SYT16: variants seen among roughly 807,000 people sequenced by gnomAD.
SYT16 encodes synaptotagmin 16, also known as synaptotagmin-16.
SYT16 carries 42 observed loss-of-function variants against 61.4 expected under a neutral mutation model. The ratio of observed to expected loss-of-function variants is 0.68; its 90% confidence interval spans 0.53 to 0.89. The LOEUF is 0.89. Among genes scored for constraint, SYT16 ranks in the 40% least tolerant of loss-of-function variants. The probability of loss-of-function intolerance (pLI) is 0.00; values close to 1 mark genes in which losing one functional copy is unlikely to be tolerated. For missense variants in SYT16, 804 were observed against 807.3 expected, an observed-to-expected ratio of 1.00 and a Z score of 0.05; for synonymous variants, 314 against 302.3, an observed-to-expected ratio of 1.04 and a Z score of -0.40.
At chr14:62,070,530 G>C (rs1006141893) in intron 4 of SYT16, among the ~76,000 whole-genome samples, 1 of 152,104 alleles carries the variant, frequency 6.6e-6, no homozygotes, top group African/African-American at 2.4e-5. Flanking sequence ...TGGGATGTTG[G>C]GCAGACCTTG....
Position 62,045,435 on chromosome 14 carries a change from T to C in SYT16, c.524-24168T>C, listed in dbSNP as rs144775180. 1.8e-3 allele frequency among the ~76,000 whole-genome samples: 269 copies of C among 152,192 alleles called. 1 individual carries two copies. Among genetic ancestry groups the C allele is most frequent in the African/African-American group, 6.3e-3 (261 of 41,548 alleles). On this transcript the variant is annotated intron_variant, in intron 3 of 7. Transcript: ENST00000683842. ...GTAATGGTTGTTGGTCTGTATGTTT[T>C]GTATTTTTCTTTTTTAAAATTTTAT...
rs367990010 is a variant in SYT16, at chr14:62,075,395, A to G, written c.993+4A>G. The G allele has an allele frequency of 2.5e-6, 4 of 1,590,576 alleles. No homozygotes were observed. Among genetic ancestry groups the G allele is most frequent in the African/African-American group, 1.3e-5 (1 of 74,438 alleles). On this transcript the variant is annotated splice_donor_region_variant and intron_variant, in intron 5 of 7. Coordinates refer to ENST00000683842, the MANE Select transcript of SYT16 (RefSeq NM_001367656.1). The stretch of plus-strand genomic sequence containing the variant: ...CTCCTCCATGTGGAGTCCAGAGGCA[A>G]GTTATTTGTTTTTCATTCTTTCATT...
intron 1 of SYT16, among the ~76,000 whole-genome samples, chr14:61,836,113 A>G (rs1047892192): frequency 6.6e-6 from 1 of 152,176 alleles, no homozygotes; most frequent in African/African-American, 2.4e-5. Flanking sequence ...GGTACTTGCT[A>G]AAGTTTGAAA....
At chr14:61,940,080 T>A (rs192834779) in intron 1 of SYT16, among the ~76,000 whole-genome samples, 15 of 152,332 alleles carry the variant, frequency 9.8e-5, no homozygotes, top group Admixed American at 9.1e-4. Context: ...ATAATTTTTA[T>A]AATGATGTGA....
At chr14:62,046,740 G>A (rs2055005437) in intron 3 of SYT16, among the ~76,000 whole-genome samples, 1 of 152,124 alleles carries the variant, frequency 6.6e-6, no homozygotes, top group Admixed American at 6.5e-5. Flanking sequence ...TTTTTGTCAA[G>A]TTTGTCAAAG....
Position 62,108,953 on chromosome 14 carries a change from C to T in SYT16, c.*8246C>T, listed in dbSNP as rs1254047891. On this transcript the variant is annotated 3_prime_UTR_variant, in exon 8 of 8. Coordinates refer to ENST00000683842, the MANE Select transcript of SYT16 (RefSeq NM_001367656.1). ...ATAGAGTTCTCATATACTCCAAACA[C>T]AACCTTCTTCCCCGTGAACATTTTG... The T allele has an allele frequency of 2.0e-5, 3 of 152,156 alleles. No individual in the cohort carries two copies. Among genetic ancestry groups the T allele is most frequent in the Non-Finnish European group, 4.4e-5 (3 of 68,030 alleles). 9.4% of individuals were successfully genotyped at this position (152,156 alleles called of 1,614,324 possible).
At position 62,035,780 on chromosome 14, in the gene SYT16, A is replaced by G. The variant is rs571787123; in HGVS notation, c.524-33823A>G. On this transcript the variant is annotated intron_variant, in intron 3 of 7. Transcript: ENST00000683842. ...GAAGAGTCCTATAAAGACTAATGAA[A>G]TATATAATTGATTCATTCAACAGAT... Among the ~76,000 whole-genome samples, 10 of 152,326 alleles carry G rather than the reference A, an allele frequency of 6.6e-5. No individual in the cohort carries two copies. In the East Asian group the frequency reaches 1.9e-3, roughly 29 times the overall value.
intron 1 of SYT16, among the ~76,000 whole-genome samples, chr14:61,831,247 A>T (rs1323864742): frequency 2.6e-5 from 4 of 152,348 alleles, no homozygotes; most frequent in African/African-American, 4.8e-5. Flanking sequence ...AGGGACAGAG[A>T]GCAGACTTTT....
At chr14:62,058,266 CTT>C (rs1467993532) in intron 3 of SYT16, among the ~76,000 whole-genome samples, 2 of 145,792 alleles carry the variant, frequency 1.4e-5, no homozygotes, top group Non-Finnish European at 3.0e-5. Context: ...GAACATGTGT[CTT>C]TGTTTTTCTT....
chr14:61,951,383 G>T (rs2050663496), intron 1 of SYT16, among the ~76,000 whole-genome samples: 1 of 152,152 alleles, frequency 6.6e-6, no homozygotes, highest in Admixed American at 6.5e-5. Flanking sequence ...ATTTGTTTTA[G>T]GCTGCAAGAA....
intron 1 of SYT16, among the ~76,000 whole-genome samples, chr14:61,920,577 G>A (rs1031099052): frequency 6.6e-6 from 1 of 152,108 alleles, no homozygotes; most frequent in Non-Finnish European, 1.5e-5. Flanking sequence ...GTCCAGGCCT[G>A]TCTCTAGAAA....
intron 1 of SYT16, among the ~76,000 whole-genome samples, chr14:61,859,976 T>G (rs2046916194): frequency 6.6e-6 from 1 of 152,222 alleles, no homozygotes; most frequent in Admixed American, 6.5e-5. Flanking sequence ...AACAAGTCCC[T>G]AAATAGATGA....
At chr14:62,018,298 CTTTTTTTTTTT>C (rs776473522) in intron 3 of SYT16, among the ~76,000 whole-genome samples, 8 of 51,642 alleles carry the variant, frequency 1.5e-4, no homozygotes, top group Admixed American at 6.0e-4. Flanking sequence ...TCTTCTTCTT[CTTTTTTTTTTT>C]TTTTTTTTTT....
chr14:61,848,168 C>G (rs1286675317), intron 1 of SYT16, among the ~76,000 whole-genome samples: 2 of 152,140 alleles, frequency 1.3e-5, no homozygotes, highest in Admixed American at 6.5e-5. Flanking sequence ...GTAGTCTTCA[C>G]TCTCTGGGCT....
intron 2 of SYT16, among the ~76,000 whole-genome samples, chr14:61,971,988 TC>T (rs1323817214): frequency 6.6e-6 from 1 of 152,214 alleles, no homozygotes; most frequent in African/African-American, 2.4e-5. Context: ...TCTATTTCTC[TC>T]CCTTCAGCAG....
chr14:62,074,958 T>G (rs2056429582), intron 4 of SYT16, among the ~76,000 whole-genome samples, 177 bp from the exon 5 acceptor site: 1 of 152,332 alleles, frequency 6.6e-6, no homozygotes, highest in East Asian at 1.9e-4. Flanking sequence ...AATGTTCTTT[T>G]TCATTTTATG....
At chr14:61,986,031 GA>G (rs1029788093) in intron 2 of SYT16, among the ~76,000 whole-genome samples, 1 of 152,012 alleles carries the variant, frequency 6.6e-6, no homozygotes, top group Non-Finnish European at 1.5e-5. Context: ...ATTTGCAGGT[GA>G]AAAAATGGAA....
At chr14:61,916,884 C>G (rs2049141968) in intron 1 of SYT16, among the ~76,000 whole-genome samples, 1 of 152,126 alleles carries the variant, frequency 6.6e-6, no homozygotes, top group African/African-American at 2.4e-5. Context: ...AAGACAGTGA[C>G]CTCCAGTTCC....
At chr14:61,839,358 CTT>C (rs1206930071) in intron 1 of SYT16, among the ~76,000 whole-genome samples, 1 of 152,230 alleles carries the variant, frequency 6.6e-6, no homozygotes, top group Non-Finnish European at 1.5e-5. Context: ...ATCTTGGAGA[CTT>C]TTCAGCCTCC....
Sources: gnomAD v4.1 joint callset for allele counts (sites outside exome capture counted in the v4.1 genomes callset) on GRCh38, gnomAD v4.1.1 for gene constraint, MANE v1.5 for transcripts, NCBI Gene and HGNC (gene_info 2026-07-23, HGNC 2026-07-21) for gene names.